The following CLEC16A variants were observed in gnomAD, a reference collection of about 807,000 sequenced individuals.
The protein encoded by CLEC16A is protein CLEC16A.
Under a neutral mutation model 109.5 loss-of-function variants are expected in CLEC16A, and 51 were observed. That is an observed-to-expected ratio of 0.47 (90% CI 0.37 to 0.59). The LOEUF (loss-of-function observed/expected upper bound fraction) is 0.59. Ranked by LOEUF, CLEC16A falls within the 20% of genes least tolerant of loss-of-function variation. The pLI is 0.00. For missense variants in CLEC16A, 1,339 were observed against 1,394.0 expected, an observed-to-expected ratio of 0.96 and a Z score of 0.63; for synonymous variants, 673 against 564.2, an observed-to-expected ratio of 1.19 and a Z score of -2.73.
At chr16:10,987,230 T>C (rs1406687245) in intron 10 of CLEC16A, among the ~76,000 whole-genome samples, 1 of 152,094 alleles carries the variant, frequency 6.6e-6, no homozygotes, top group East Asian at 1.9e-4. Flanking sequence ...TAACAGATAA[T>C]ACAGAGAGAT....
intron 19 of CLEC16A, among the ~76,000 whole-genome samples, chr16:11,061,740 C>T (rs2048490876): frequency 6.6e-6 from 1 of 152,178 alleles, no homozygotes; most frequent in South Asian, 2.1e-4. Context: ...ACAGAAAACT[C>T]ACCTTAGACC....
chr16:10,945,132 G>C (rs1182548441), intron 1 of CLEC16A, among the ~76,000 whole-genome samples: 1 of 152,208 alleles, frequency 6.6e-6, no homozygotes, highest in African/African-American at 2.4e-5. Context: ...TTCTTAAACT[G>C]AACAGCTTAG....
chr16:10,963,696 G>T (rs962037789), intron 3 of CLEC16A, among the ~76,000 whole-genome samples: 2 of 152,194 alleles, frequency 1.3e-5, no homozygotes, highest in Non-Finnish European at 2.9e-5. Context: ...TGAGAGGCAG[G>T]TGCCATCAGT....
At chr16:11,065,964 A>G (rs1238053723) in intron 19 of CLEC16A, among the ~76,000 whole-genome samples, 1 of 152,236 alleles carries the variant, frequency 6.6e-6, no homozygotes, top group Non-Finnish European at 1.5e-5. Context: ...TAGAGCTGGC[A>G]CTGCCTGGTC....
At chr16:10,946,622 G>A (rs34927155) in intron 1 of CLEC16A, among the ~76,000 whole-genome samples, 51,117 of 151,952 alleles carry the variant, frequency 0.34, 10,438 homozygotes, top group East Asian at 0.58. Flanking sequence ...TTATCCAGAG[G>A]AGGTTGGGCC....
intron 1 of CLEC16A, among the ~76,000 whole-genome samples, chr16:10,945,417 C>CAG (rs2041306204): frequency 6.6e-6 from 1 of 151,978 alleles, no homozygotes; most frequent in Non-Finnish European, 1.5e-5. Context: ...GATTTTGGGG[C>CAG]GATTGGGGAG....
intron 17 of CLEC16A, among the ~76,000 whole-genome samples, chr16:11,049,122 C>G (rs376463678): frequency 6.6e-6 from 1 of 152,080 alleles, no homozygotes; most frequent in Non-Finnish European, 1.5e-5. Context: ...ATTCTCCTGC[C>G]TCAGCCTCCC....
intron 19 of CLEC16A, among the ~76,000 whole-genome samples, chr16:11,066,217 A>C (rs56177808): frequency 6.6e-6 from 1 of 152,076 alleles, no homozygotes; most frequent in Non-Finnish European, 1.5e-5. Flanking sequence ...TGCCTAGAAC[A>C]GTGCCTGACA....
intron 19 of CLEC16A, among the ~76,000 whole-genome samples, chr16:11,113,592 G>A (rs754123545): frequency 2.2e-4 from 34 of 152,142 alleles, no homozygotes; most frequent in Non-Finnish European, 2.4e-4. Flanking sequence ...CTGTGAGGCC[G>A]AGGCTGCAGT....
At chr16:11,156,917 G>GCCCCCCCCC (rs60216625) in intron 22 of CLEC16A, among the ~76,000 whole-genome samples, 120 of 77,356 alleles carry the variant, frequency 1.6e-3, no homozygotes, top group African/African-American at 2.1e-3. Flanking sequence ...CCAAATGCCC[G>GCCCCCCCCC]CCCCCCCCCC....
intron 11 of CLEC16A, among the ~76,000 whole-genome samples, chr16:11,017,498 C>T (rs1054598858): frequency 3.9e-5 from 6 of 152,178 alleles, no homozygotes; most frequent in South Asian, 2.1e-4. Flanking sequence ...TACGCGAAGA[C>T]GTTTCAGAAC....
At chr16:11,018,955 A>C (rs114234223) in intron 11 of CLEC16A, among the ~76,000 whole-genome samples, 386 of 152,210 alleles carry the variant, frequency 2.5e-3, no homozygotes, top group African/African-American at 8.9e-3. Context: ...GACATGAGCT[A>C]ATTTCATTAA....
At chr16:11,027,408 C>A (rs9928255) in intron 13 of CLEC16A, 324,863 of 1,448,800 alleles carry the variant, frequency 0.22, 41,493 homozygotes, top group African/African-American at 0.57. Flanking sequence ...CCAGAATCTA[C>A]AAATGCTGCG....
intron 11 of CLEC16A, among the ~76,000 whole-genome samples, chr16:11,019,079 A>G (rs78041978): frequency 6.6e-6 from 1 of 152,120 alleles, no homozygotes; most frequent in Admixed American, 6.5e-5. Context: ...AGCCCAAGGT[A>G]TGTGTTCACA....
chr16:11,017,412 T>G (rs1461272393), intron 11 of CLEC16A, among the ~76,000 whole-genome samples: 1 of 152,124 alleles, frequency 6.6e-6, no homozygotes, highest in East Asian at 1.9e-4. Context: ...AATGCTATTA[T>G]TATTAAGTAA....
chr16:11,134,009 G>A (rs754242661), intron 22 of CLEC16A, among the ~76,000 whole-genome samples: 4 of 152,076 alleles, frequency 2.6e-5, no homozygotes, highest in Non-Finnish European at 5.9e-5. Context: ...ATTCTTGTTC[G>A]AGCTTCCCAA....
chr16:11,039,711 G>A (rs1480344987), intron 13 of CLEC16A, 43 bp from the exon 14 acceptor site: 1 of 1,564,248 alleles, frequency 6.4e-7, no homozygotes, highest in South Asian at 1.2e-5. Context: ...AGGAGGTCAG[G>A]TAGTCAGGAG....
At chr16:11,147,853 T>TA (rs1436567113) in intron 22 of CLEC16A, among the ~76,000 whole-genome samples, 1 of 152,118 alleles carries the variant, frequency 6.6e-6, no homozygotes, top group African/African-American at 2.4e-5. Context: ...AGTCCAAATG[T>TA]AAAAAAAGAA....
At chr16:11,155,426 A>T (rs955861624) in intron 22 of CLEC16A, among the ~76,000 whole-genome samples, 2 of 152,204 alleles carry the variant, frequency 1.3e-5, no homozygotes, top group African/African-American at 4.8e-5. Context: ...GCCTAAAGCC[A>T]AGTTGCTGCT....
Sources: allele counts gnomAD v4.1 joint callset (sites outside exome capture counted in the v4.1 genomes callset), GRCh38; gene constraint gnomAD v4.1.1; transcripts MANE v1.5; gene names NCBI Gene and HGNC (gene_info 2026-07-23, HGNC 2026-07-21).